Variants in HSD17B12 observed in about 807,000 individuals in gnomAD.
The protein encoded by HSD17B12 is very-long-chain 3-oxoacyl-CoA reductase.
Under a neutral mutation model 39.3 loss-of-function variants are expected in HSD17B12, and 32 were observed. The observed-to-expected ratio is 0.81, with a 90% CI of 0.61 to 1.09. The LOEUF (loss-of-function observed/expected upper bound fraction) is 1.09, where lower values mean the gene tolerates loss of function less well. Ranked by LOEUF, HSD17B12 falls within the 50% of genes least tolerant of loss-of-function variation. HSD17B12 has a pLI of 0.00. For missense variants in HSD17B12, 342 were observed against 382.9 expected (o/e 0.89, Z 0.89); for synonymous variants, 150 against 146.7 (o/e 1.02, Z -0.16).
chr11:43,838,997 A>T (rs2135127169), intron 8 of HSD17B12, among the ~76,000 whole-genome samples: 1 of 152,238 alleles, frequency 6.6e-6, no homozygotes, highest in African/African-American at 2.4e-5. Flanking sequence ...CATTACTGAT[A>T]GGAAAGTAAT....
the HSD17B12 span, among the ~76,000 whole-genome samples, chr11:43,588,656 T>C: frequency 1.6e-5 from 2 of 125,454 alleles, no homozygotes; most frequent in Admixed American, 9.4e-5. Flanking sequence ...CTTTCCTGTC[T>C]GACACACATA....
At chr11:43,662,500 C>T in the HSD17B12 span, among the ~76,000 whole-genome samples, 2 of 149,482 alleles carry the variant, frequency 1.3e-5, no homozygotes, top group East Asian at 3.9e-4. Context: ...CCACCTTAGC[C>T]CCCCAAAGTT....
intron 1 of HSD17B12, chr11:43,733,912 G>C: frequency 1.5e-6 from 1 of 689,156 alleles, no homozygotes. Flanking sequence ...TGTAGTAGGG[G>C]AAGGGACTCA....
At chr11:43,830,507 TA>T (rs1449100451) in intron 6 of HSD17B12, 1 of 152,490 alleles carries the variant, frequency 6.6e-6, no homozygotes, top group Non-Finnish European at 1.5e-5. Context: ...AAGTTACACT[TA>T]CTCTTTGCCA....
intron 1 of HSD17B12, among the ~76,000 whole-genome samples, chr11:43,682,508 C>A (rs1245879903): frequency 6.8e-6 from 1 of 147,348 alleles, no homozygotes; most frequent in Admixed American, 6.8e-5. Flanking sequence ...TGCCACTGCA[C>A]TCCATCCAGC....
At chr11:43,816,742 A>G (rs935651857) in intron 6 of HSD17B12, among the ~76,000 whole-genome samples, 2 of 151,848 alleles carry the variant, frequency 1.3e-5, no homozygotes, top group African/African-American at 2.4e-5. Flanking sequence ...TCTGCACACA[A>G]TTTGTAGTCT....
intron 1 of HSD17B12, among the ~76,000 whole-genome samples, chr11:43,681,834 CT>C (rs74652658): frequency 0.15 from 21,218 of 142,122 alleles, 1,624 homozygotes; most frequent in Non-Finnish European, 0.19. Flanking sequence ...TCCCCCCCCC[CT>C]TTTTTTTTTC....
intron 1 of HSD17B12, among the ~76,000 whole-genome samples, chr11:43,719,688 G>A (rs1230769379): frequency 6.6e-6 from 1 of 151,084 alleles, no homozygotes; most frequent in African/African-American, 2.4e-5. Context: ...TTGTTCCCTA[G>A]TACATTGTTT....
At chr11:43,594,265 G>GA in the HSD17B12 span, among the ~76,000 whole-genome samples, 3 of 151,462 alleles carry the variant, frequency 2.0e-5, no homozygotes, top group Non-Finnish European at 4.4e-5. Context: ...CTTCTTTCAG[G>GA]AAAAAAAATT....
rs190747905 is a variant in HSD17B12, at chr11:43,769,732, C to A, written c.283+15611C>A. On this transcript the variant is annotated intron_variant, in intron 3 of 10. Transcript: ENST00000278353. ...CTGTCACTACCCATTTCTAGAAAGC[C>A]TTTATTCAGTCTTTGTGTGCCTTTT... is the stretch of plus-strand genomic sequence containing the variant. Among the ~76,000 whole-genome samples the A allele has an allele frequency of 3.9e-5, 6 of 152,256 alleles. No homozygotes were observed. In the East Asian group the frequency reaches 1.2e-3, roughly 29 times the overall value.
rs981453261 is a variant in HSD17B12 at position 43,792,347 on chromosome 11, C to T, written c.284-5973C>T. ...GAAAATGGAGAGGTTTTTTAAAAAA[C>T]GTGCGAGACATTTTTATGGTTACAA... On this transcript the variant is annotated intron_variant, in intron 3 of 10. Coordinates refer to ENST00000278353, the MANE Select transcript of HSD17B12 (RefSeq NM_016142.3). 2.6e-5 allele frequency among the ~76,000 whole-genome samples: 4 copies of T among 152,026 alleles called. No homozygotes were observed. In the East Asian group the frequency reaches 5.8e-4, roughly 22 times the overall value.
intron 1 of HSD17B12, among the ~76,000 whole-genome samples, chr11:43,727,717 G>C (rs1393493943): frequency 6.6e-5 from 10 of 151,988 alleles, no homozygotes; most frequent in Non-Finnish European, 1.3e-4. Context: ...TTGGTGTTAT[G>C]GTAAAACAGT....
chr11:43,764,674 AC>A (rs1442323746), intron 3 of HSD17B12, among the ~76,000 whole-genome samples: 1 of 151,986 alleles, frequency 6.6e-6, no homozygotes, highest in African/African-American at 2.4e-5. Context: ...TTATGGAATG[AC>A]CCTCTTTATT....
intron 4 of HSD17B12, among the ~76,000 whole-genome samples, chr11:43,807,368 A>C (rs956101469): frequency 6.6e-6 from 1 of 152,180 alleles, no homozygotes; most frequent in African/African-American, 2.4e-5. Context: ...AAGGGTTTCC[A>C]GGTGGAGGAA....
chr11:43,592,905 G>A, the HSD17B12 span, among the ~76,000 whole-genome samples: 2 of 152,142 alleles, frequency 1.3e-5, no homozygotes, highest in African/African-American at 4.8e-5. Flanking sequence ...ACTGAGAAGA[G>A]AGGAGAGAGG....
the HSD17B12 span, among the ~76,000 whole-genome samples, chr11:43,571,163 C>T: frequency 6.6e-6 from 1 of 152,236 alleles, no homozygotes; most frequent in African/African-American, 2.4e-5. Context: ...ACCTACCCAA[C>T]ACCCATGAAT....
the HSD17B12 span, chr11:43,579,144 CA>C: frequency 6.6e-6 from 1 of 150,942 alleles, no homozygotes; most frequent in Non-Finnish European, 1.5e-5. Flanking sequence ...AAACCGCTGC[CA>C]GGGGGGCATT....
At chr11:43,726,598 T>C (rs1950221995) in intron 1 of HSD17B12, among the ~76,000 whole-genome samples, 1 of 152,196 alleles carries the variant, frequency 6.6e-6, no homozygotes, top group Non-Finnish European at 1.5e-5. Flanking sequence ...CCTTTTCTCA[T>C]AGGGAGAGTG....
the HSD17B12 span, chr11:43,645,874 A>C: frequency 6.6e-6 from 1 of 152,328 alleles, no homozygotes; most frequent in African/African-American, 2.4e-5. Flanking sequence ...TCAGCTACTC[A>C]GAAGGCTGAG....
Sources: allele counts gnomAD v4.1 joint callset (sites outside exome capture counted in the v4.1 genomes callset), GRCh38; gene constraint gnomAD v4.1.1; transcripts MANE v1.5; gene names NCBI Gene and HGNC (gene_info 2026-07-23, HGNC 2026-07-21).